NFASC: variants seen among roughly 807,000 people sequenced by gnomAD.
The protein encoded by NFASC is neurofascin homolog.
In NFASC, 43 loss-of-function variants were observed where a neutral mutation model predicts 147.5. That is an observed-to-expected ratio of 0.29 (90% confidence interval 0.23 to 0.38). The LOEUF (loss-of-function observed/expected upper bound fraction) is 0.38, where lower values mean the gene tolerates loss of function less well. NFASC is among the 10% of genes least tolerant of loss of function. NFASC has a pLI of 1.00. For missense variants in NFASC, 1,320 were observed against 1,689.0 expected (o/e 0.78, Z 3.83); for synonymous variants, 622 against 665.5 (o/e 0.93, Z 1.01).
In NFASC at chr1:204,944,406, C is replaced by T. The variant is rs375813060; in HGVS notation, c.91C>T (p.Pro31Ser). ...LGGAIEIPMD[P>S]SIQNELTQPP... ...CGGAGCCATCGAAATTCCTATGGATCGTGAGTCCTGCCCCATTCTCTTCTC... is the reference window on the plus strand; with the variant it reads ...CGGAGCCATCGAAATTCCTATGGATTGTGAGTCCTGCCCCATTCTCTTCTC... The change falls in exon 3 of 30, where the codon CCA becomes TCA. Residue 31 changes from proline to serine, a missense_variant and splice_region_variant. Transcript: ENST00000339876. The T allele has an allele frequency of 3.7e-6, 5 of 1,351,726 alleles. No individual in the cohort carries two copies. Among genetic ancestry groups the T allele is most frequent in the Middle Eastern group, 2.2e-4 (1 of 4,574 alleles). 83.7% of individuals were successfully genotyped at this position (1,351,726 alleles called of 1,614,324 possible). A position where few individuals can be genotyped will look rare whatever the true frequency, so the allele number is the denominator to read the frequency against.
At chr1:204,847,983 G>A (rs1005654525) in intron 1 of NFASC, among the ~76,000 whole-genome samples, 1 of 152,138 alleles carries the variant, frequency 6.6e-6, no homozygotes, top group African/African-American at 2.4e-5. Flanking sequence ...AGTTTGGGGT[G>A]GCAGTAGGGA....
chr1:204,978,892 C>A, intron 17 of NFASC, 76 bp from the exon 18 acceptor site: 1 of 1,147,358 alleles, frequency 8.7e-7, no homozygotes, highest in Non-Finnish European at 1.2e-6. Context: ...CGTCAGGGAG[C>A]TGTCCAGGGC....
rs56343558 is a variant in NFASC, at chr1:204,975,140, A to G, written c.1559-131A>G. ...CCCAGAACTCTGCTCCGTTCATACCATAGCATACTGTTTGTGCCCCACTCC... is the reference window on the plus strand; with the variant it reads ...CCCAGAACTCTGCTCCGTTCATACCGTAGCATACTGTTTGTGCCCCACTCC... On this transcript the variant is annotated intron_variant, in intron 14 of 29. Transcript: ENST00000339876. This position sits in a 1 kb window ranked among gnomAD's most constrained non-coding sequence, Gnocchi z 4.0. The G allele has an allele frequency of 6.0e-3, 5,968 of 991,114 alleles. 38 individuals are homozygous for G. Among genetic ancestry groups the G allele is most frequent in the East Asian group, 0.012 (470 of 40,654 alleles). The allele number at this position is 991,114 out of a possible 1,614,324, so 61.4% of individuals were successfully genotyped here.
At position 204,975,355 on chromosome 1, in the gene NFASC, A is replaced by G; in HGVS notation, c.1643A>G (p.Asp548Gly). 6.2e-7 allele frequency: 1 copy of G among 1,613,130 alleles called. No homozygotes were observed. Among genetic ancestry groups the G allele is most frequent in the Non-Finnish European group, 8.5e-7 (1 of 1,179,718 alleles). The change falls in exon 15 of 30, where the codon GAC becomes GGC. Residue 548 changes from aspartate (D) to glycine (G), a missense_variant. Physicochemically the swap from Asp to Gly is moderately conservative, Grantham distance 94. Transcript: ENST00000339876. This position sits in a 1 kb window ranked among gnomAD's most constrained non-coding sequence, Gnocchi z 4.0. ...TVQLECRVKH[D>G]PSLKLTVSWL... ...CAGCTGGAGTGTCGGGTGAAGCACG[A>G]CCCCTCCCTGAAACTCACCGTCTCC...
At chr1:204,909,317 C>T (rs2086782768) in intron 1 of NFASC, among the ~76,000 whole-genome samples, 2 of 151,894 alleles carry the variant, frequency 1.3e-5, no homozygotes, top group African/African-American at 4.8e-5. Flanking sequence ...ATTTTTTTCT[C>T]ATTGTGGTTT....
chr1:204,971,477 A>G (rs762323844), intron 11 of NFASC, among the ~76,000 whole-genome samples: 1 of 152,180 alleles, frequency 6.6e-6, no homozygotes, highest in Non-Finnish European at 1.5e-5. Context: ...ATGGGGAAAA[A>G]GTAGATGGCG....
intron 11 of NFASC, among the ~76,000 whole-genome samples, chr1:204,972,452 A>C (rs960734768): frequency 1.3e-5 from 2 of 152,192 alleles, no homozygotes; most frequent in Non-Finnish European, 2.9e-5. Flanking sequence ...CTTACAGAAG[A>C]AGGAAATGAG....
At chr1:204,900,380 G>A (rs1465446600) in intron 1 of NFASC, among the ~76,000 whole-genome samples, 4 of 152,220 alleles carry the variant, frequency 2.6e-5, no homozygotes, top group Non-Finnish European at 4.4e-5. Context: ...AATTCCAAGT[G>A]CTGGGAGCTT....
rs7545613 is a variant in NFASC at position 204,997,274 on chromosome 1, A to G, written c.2887A>G (p.Ile963Val). The change falls in exon 25 of 30, where the codon ATC (isoleucine) becomes GTC (valine). Residue 963 changes from isoleucine (I) to valine (V), a missense_variant. Around this residue, in one of 3 missense-constraint regions of NFASC, gnomAD observed 172 missense variants for 165.8 expected, o/e 1.04. Coordinates refer to ENST00000339876, the MANE Select transcript of NFASC (RefSeq NM_001005388.3). The stretch of plus-strand genomic sequence containing the variant: ...CACCGAAGCCACAACAGTCCCCATC[A>G]TCCCAACTGTCGCACCTACCACCAT... ...ATTEATTVPI[I>V]PTVAPTTIAT... is the part of the protein sequence containing the mutation. The G allele has an allele frequency of 9.2e-3, 14,825 of 1,612,616 alleles. 1,135 individuals are homozygous for G. The African/African-American group carries it at 0.17, about 19-fold the overall frequency.
chr1:204,919,843 T>C (rs1437919692), intron 1 of NFASC, among the ~76,000 whole-genome samples: 1 of 152,198 alleles, frequency 6.6e-6, no homozygotes, highest in African/African-American at 2.4e-5. Context: ...GATCTCAAAC[T>C]CCTGACCTTA....
At chr1:204,982,097 A>G in intron 21 of NFASC, 77 bp downstream of exon 21, 1 of 997,024 alleles carries the variant, frequency 1.0e-6, no homozygotes, top group Non-Finnish European at 1.4e-6. Flanking sequence ...CAGGCCAGGA[A>G]CCTTGGGGTG....
At chr1:204,915,176 A>C (rs2088872521) in intron 1 of NFASC, among the ~76,000 whole-genome samples, 1 of 152,124 alleles carries the variant, frequency 6.6e-6, no homozygotes, top group Non-Finnish European at 1.5e-5. Context: ...GCTACTCGGG[A>C]GGCTGAGGCA....
At chr1:205,005,660 G>C (rs2096091514) in intron 27 of NFASC, among the ~76,000 whole-genome samples, 1 of 152,198 alleles carries the variant, frequency 6.6e-6, no homozygotes, top group East Asian at 1.9e-4. Context: ...TCAGAGTCCA[G>C]GTCATGGAGT....
chr1:204,922,229 CT>C (rs989162969), intron 2 of NFASC, among the ~76,000 whole-genome samples: 4 of 152,162 alleles, frequency 2.6e-5, no homozygotes, highest in African/African-American at 9.7e-5. Flanking sequence ...ATCCCTGTCC[CT>C]CCACAGCTCT....
At chr1:205,014,085 C>T (rs1174703092) in intron 29 of NFASC, among the ~76,000 whole-genome samples, 1 of 152,332 alleles carries the variant, frequency 6.6e-6, no homozygotes, top group African/African-American at 2.4e-5. Context: ...GCTTCTCCTC[C>T]CCCAGACTCT....
At chr1:204,947,914 ACT>A (rs1266925760) in intron 3 of NFASC, among the ~76,000 whole-genome samples, 1 of 151,792 alleles carries the variant, frequency 6.6e-6, no homozygotes, top group Non-Finnish European at 1.5e-5. Context: ...ACTCATGCAC[ACT>A]CACACCCACT....
chr1:204,931,286 C>T (rs999706381), intron 2 of NFASC, among the ~76,000 whole-genome samples: 2 of 152,194 alleles, frequency 1.3e-5, no homozygotes, highest in South Asian at 2.1e-4. Context: ...TCAGATCTCC[C>T]GTGTACCCAC....
chr1:204,948,370 C>T (rs770902317), intron 3 of NFASC, among the ~76,000 whole-genome samples: 5 of 152,206 alleles, frequency 3.3e-5, no homozygotes, highest in African/African-American at 7.2e-5. Flanking sequence ...TGGCTGCAGA[C>T]GCCATCCCTA....
intron 1 of NFASC, among the ~76,000 whole-genome samples, chr1:204,906,022 A>ATG (rs1333231386): frequency 6.6e-6 from 1 of 152,178 alleles, no homozygotes; most frequent in Non-Finnish European, 1.5e-5. Flanking sequence ...TATTAGCCAT[A>ATG]TGTATTCCTC....
Sources: gnomAD v4.1 joint callset for allele counts (sites outside exome capture counted in the v4.1 genomes callset) on GRCh38, gnomAD v4.1.1 for gene constraint, gnomAD v4.1.1 regional missense constraint, Gnocchi (gnomAD v3.1) non-coding constraint, MANE v1.5 for transcripts, NCBI Gene and HGNC (gene_info 2026-07-23, HGNC 2026-07-21) for gene names.